AGAP3: variants seen among roughly 807,000 people sequenced by gnomAD.
AGAP3 encodes the protein ArfGAP with GTPase domain, ankyrin repeat and PH domain 3, also known as arf-GAP with GTPase, ANK repeat and PH domain-containing protein 3.
Under a neutral mutation model 96.9 loss-of-function variants are expected in AGAP3, and 24 were observed. The ratio of observed to expected loss-of-function variants is 0.25; its 90% CI spans 0.18 to 0.35. AGAP3 has a LOEUF of 0.35. AGAP3 is among the 10% of genes least tolerant of loss of function. The pLI is 1.00. For synonymous variants in AGAP3, 563 were observed against 536.1 expected, an observed-to-expected ratio of 1.05 and a Z score of -0.69; for missense variants, 876 against 1,254.2, an observed-to-expected ratio of 0.70 and a Z score of 4.55.
intron 9 of AGAP3, among the ~76,000 whole-genome samples, chr7:151,128,025 G>T (rs754408939): frequency 6.6e-6 from 1 of 152,200 alleles, no homozygotes; most frequent in Non-Finnish European, 1.5e-5. Context: ...TGGGAGGGAA[G>T]GCTGGGTCTT....
chr7:151,087,498 G>T (rs1165629105), intron 1 of AGAP3, among the ~76,000 whole-genome samples: 1 of 152,116 alleles, frequency 6.6e-6, no homozygotes, highest in Non-Finnish European at 1.5e-5. Context: ...AGCCTTCCCG[G>T]GCCCAGCGCC....
chr7:151,099,792 G>C (rs1458462410), intron 1 of AGAP3, among the ~76,000 whole-genome samples: 3 of 152,234 alleles, frequency 2.0e-5, no homozygotes, highest in Non-Finnish European at 4.4e-5. Context: ...GGCATTTTAG[G>C]CAGGGGCCAT....
intron 9 of AGAP3, among the ~76,000 whole-genome samples, chr7:151,125,578 C>T (rs1204868279): frequency 6.6e-6 from 1 of 152,220 alleles, no homozygotes; most frequent in Admixed American, 6.5e-5. Context: ...CGCTGCTTCC[C>T]GTTCTGTAAC....
At chr7:151,130,767 G>A (rs1800372426) in intron 10 of AGAP3, among the ~76,000 whole-genome samples, 1 of 152,114 alleles carries the variant, frequency 6.6e-6, no homozygotes, top group African/African-American at 2.4e-5. Flanking sequence ...TGCGCTCACA[G>A]CTCTCCGTGG....
chr7:151,132,005 G>A (rs1398441221), intron 10 of AGAP3, among the ~76,000 whole-genome samples: 2 of 152,234 alleles, frequency 1.3e-5, no homozygotes, highest in African/African-American at 2.4e-5. Flanking sequence ...GACTGCCGAC[G>A]GGGACCAGGG....
intron 10 of AGAP3, among the ~76,000 whole-genome samples, chr7:151,130,693 C>T (rs1327162006): frequency 1.3e-5 from 2 of 152,110 alleles, no homozygotes; most frequent in Non-Finnish European, 2.9e-5. Context: ...TCACAGGCCC[C>T]GAAGCATACT....
At chr7:151,130,765 C>T (rs1800372333) in intron 10 of AGAP3, among the ~76,000 whole-genome samples, 1 of 152,136 alleles carries the variant, frequency 6.6e-6, no homozygotes, top group Non-Finnish European at 1.5e-5. Context: ...CGTGCGCTCA[C>T]AGCTCTCCGT....
chr7:151,099,467 A>G (rs1798750859), intron 1 of AGAP3, among the ~76,000 whole-genome samples: 1 of 152,138 alleles, frequency 6.6e-6, no homozygotes, highest in Non-Finnish European at 1.5e-5. Context: ...GTCTTGCTGA[A>G]TTCACAGTAG....
intron 11 of AGAP3, among the ~76,000 whole-genome samples, chr7:151,137,430 G>C (rs1038362854): frequency 6.6e-6 from 1 of 152,242 alleles, no homozygotes. Context: ...TAGGTTCTCG[G>C]AGTTCCAACT....
chr7:151,090,782 A>G (rs1335827534), intron 1 of AGAP3, among the ~76,000 whole-genome samples: 1 of 152,144 alleles, frequency 6.6e-6, no homozygotes, highest in East Asian at 1.9e-4. Context: ...GTCTCTACTA[A>G]AAATACGAAA....
chr7:151,115,712 C>A, intron 1 of AGAP3: 4 of 980,180 alleles, frequency 4.1e-6, no homozygotes, highest in East Asian at 5.6e-5. Flanking sequence ...GCGCCCAGGG[C>A]AGGCGAGCTG....
In AGAP3 at chr7:151,123,234, G is replaced by A. The variant is rs1158815864; in HGVS notation, c.1129-560G>A. The A allele has an allele frequency of 6.6e-6, 7 of 1,066,684 alleles. No individual in the cohort carries two copies. In the East Asian group the frequency reaches 4.5e-4, roughly 69 times the overall value. The allele number at this position is 1,066,684 out of a possible 1,614,324, so 66.1% of individuals were successfully genotyped here. A position where few individuals can be genotyped will look rare whatever the true frequency, so the allele number is the denominator to read the frequency against. ...GCGCTTGCCTTGCCCCCTCTTTTTG[G>A]CCTCCCCCTATTTCCTAGGATCCGC... On this transcript the variant is annotated intron_variant, in intron 8 of 17. Coordinates refer to ENST00000397238, the MANE Select transcript of AGAP3 (RefSeq NM_031946.7).
In AGAP3 at chr7:151,144,147, C is replaced by T. The variant is rs1800931320; in HGVS notation, c.*204C>T. On this transcript the variant is annotated 3_prime_UTR_variant, in exon 18 of 18. Transcript: ENST00000397238. ...GCAGAGAGGGATGAGGGATTTAGCC[C>T]TCTGCCCTAAGGTGCCATTGAAAAG... 1.6e-6 allele frequency: 1 copy of T among 639,790 alleles called. No individual in the cohort carries two copies. Among genetic ancestry groups the T allele is most frequent in the African/African-American group, 1.8e-5 (1 of 54,524 alleles). The allele number at this position is 639,790 out of a possible 1,614,324, so 39.6% of individuals were successfully genotyped here. A position where few individuals can be genotyped will look rare whatever the true frequency, so the allele number is the denominator to read the frequency against.
rs1800679865 is a variant in AGAP3 at position 151,138,233 on chromosome 7, A to G, written c.1586A>G (p.His529Arg). 6.2e-7 allele frequency: 1 copy of G among 1,612,498 alleles called. No individual in the cohort carries two copies. Among genetic ancestry groups the G allele is most frequent in the Non-Finnish European group, 8.5e-7 (1 of 1,179,712 alleles). ...GCTGGCCCGCGCCCTGAGGGGCTGC[A>G]CCAGCGCTCCTGCTCCGTTTCCAGC... ...AWAGPRPEGLHQRSCSVSSAD... is the reference protein window; with the variant it reads ...AWAGPRPEGLRQRSCSVSSAD... Residue 529 changes from histidine to arginine, a missense_variant, in exon 12 of 18, where the codon CAC becomes CGC. This residue lies in a region of AGAP3 where 155 missense variants were observed against 144.4 expected (regional missense o/e 1.07). Coordinates refer to ENST00000397238, the MANE Select transcript of AGAP3 (RefSeq NM_031946.7).
At chr7:151,109,896 G>A (rs765500820) in intron 1 of AGAP3, among the ~76,000 whole-genome samples, 12 of 152,352 alleles carry the variant, frequency 7.9e-5, no homozygotes, top group South Asian at 2.1e-4. Context: ...TTGCTTGCCC[G>A]CTGCACGCCA....
rs1798163844 is a variant in AGAP3, at chr7:151,086,716, G to T, written c.-26G>T. 5.7e-6 allele frequency: 4 copies of T among 707,392 alleles called. No individual in the cohort carries two copies. The highest frequency in any genetic ancestry group is 7.3e-4 in the Middle Eastern group (1 of 1,370). 43.8% of individuals were successfully genotyped at this position (707,392 alleles called of 1,614,324 possible). A position where few individuals can be genotyped will look rare whatever the true frequency, so the allele number is the denominator to read the frequency against. ...GCCTCCGCCGCGCCGCCCCGGGCCC[G>T]CCTCGGGCCCCACGGCTCCGAAGCC... On this transcript the variant is annotated 5_prime_UTR_variant, in exon 1 of 18. Transcript: ENST00000397238.
At chr7:151,095,665 A>G (rs1235167849) in intron 1 of AGAP3, among the ~76,000 whole-genome samples, 5 of 139,022 alleles carry the variant, frequency 3.6e-5, no homozygotes, top group African/African-American at 1.1e-4. Flanking sequence ...GTTTTGGTTA[A>G]AGATGCTCTA....
At chr7:151,099,651 G>T (rs1023467086) in intron 1 of AGAP3, among the ~76,000 whole-genome samples, 1 of 152,304 alleles carries the variant, frequency 6.6e-6, no homozygotes, top group Middle Eastern at 3.4e-3. Flanking sequence ...ATGTGGGCCC[G>T]GGGACTGGCA....
Position 151,126,626 on chromosome 7 carries a change from G to C in AGAP3, c.1222-1954G>C, listed in dbSNP as rs1484650998. ...AGAGCCTGAGGGACTTAGAGCCTTC[G>C]AGCACGCTAGTCCCATGGCTGGTCG... On this transcript the variant is annotated intron_variant, in intron 9 of 17. Coordinates refer to ENST00000397238, the MANE Select transcript of AGAP3 (RefSeq NM_031946.7). 3.3e-5 allele frequency among the ~76,000 whole-genome samples: 5 copies of C among 152,272 alleles called. No homozygotes were observed. The East Asian group carries it at 9.7e-4, about 29-fold the overall frequency.
Sources: gnomAD v4.1 joint callset for allele counts (sites outside exome capture counted in the v4.1 genomes callset) on GRCh38, gnomAD v4.1.1 for gene constraint, gnomAD v4.1.1 regional missense constraint, MANE v1.5 for transcripts, NCBI Gene and HGNC (gene_info 2026-07-23, HGNC 2026-07-21) for gene names.